PLCB2: variants seen among roughly 807,000 people sequenced by gnomAD.
The protein encoded by PLCB2 is 1-phosphatidylinositol 4,5-bisphosphate phosphodiesterase beta-2.
In PLCB2, 115 loss-of-function variants were observed where a neutral mutation model predicts 141.7. The ratio of observed to expected loss-of-function variants is 0.81; its 90% CI spans 0.70 to 0.95. The LOEUF (loss-of-function observed/expected upper bound fraction) is 0.95. PLCB2 is among the 40% of genes least tolerant of loss of function. The pLI is 0.00. For missense variants in PLCB2, 1,403 were observed against 1,541.1 expected (o/e 0.91, Z 1.50); for synonymous variants, 603 against 595.6 (o/e 1.01, Z -0.18).
At chr15:40,286,870 C>T (rs1416345467), downstream of PLCB2, among the ~76,000 whole-genome samples, 2 of 152,248 alleles carry the variant, frequency 1.3e-5, no homozygotes, top group African/African-American at 4.8e-5. Context: ...ATTGCATCGC[C>T]TTCCCCATTC....
At chr15:40,286,674 G>A (rs1322662759), downstream of PLCB2, among the ~76,000 whole-genome samples, 1 of 152,184 alleles carries the variant, frequency 6.6e-6, no homozygotes, top group Non-Finnish European at 1.5e-5. Context: ...GTACCCCAAG[G>A]GAAGGCGTCA....
chr15:40,293,786 C>G, intron 19 of PLCB2, 62 bp from the exon 20 acceptor site: 3 of 1,551,806 alleles, frequency 1.9e-6, no homozygotes, highest in Non-Finnish European at 2.6e-6. Flanking sequence ...CCCCAAGCAT[C>G]TGGGGCCCCT....
At chr15:40,307,122 G>A (rs1319314543) in intron 1 of PLCB2, among the ~76,000 whole-genome samples, 1 of 152,188 alleles carries the variant, frequency 6.6e-6, no homozygotes, top group Non-Finnish European at 1.5e-5. Flanking sequence ...CCCCACAGCA[G>A]CGCAGGGGAG....
At chr15:40,285,813 G>A, downstream of PLCB2, 1 of 985,516 alleles carries the variant, frequency 1.0e-6, no homozygotes, top group Admixed American at 6.1e-5. Context: ...CCCAGGTGGA[G>A]GAGAGAAGCA....
At position 40,294,937 on chromosome 15, in the gene PLCB2, C is replaced by A. The variant is rs184388451; in HGVS notation, c.1905G>T (p.Met635Ile). The change falls in exon 18 of 32, where the codon ATG becomes ATT. Residue 635 changes from methionine to isoleucine, a missense_variant and splice_region_variant. Coordinates refer to ENST00000260402, the MANE Select transcript of PLCB2 (RefSeq NM_004573.3). Reference protein sequence around the residue: ...CQMVALNFQTMDLPMQQNMAV... With the variant: ...CQMVALNFQTIDLPMQQNMAV... ...TTAGGGGCCTGGGAATGCCCTCACC[C>A]ATCGTCTGGAAGTTGAGGGCAACCA... 13 of 1,613,936 alleles carry A rather than the reference C, an allele frequency of 8.1e-6. No homozygotes were observed. In the South Asian group the frequency reaches 9.9e-5, roughly 12 times the overall value.
In PLCB2 at chr15:40,288,489, G is replaced by T; in HGVS notation, c.*226C>A. 1 of 1,268,990 alleles carries T rather than the reference G, an allele frequency of 7.9e-7. No homozygotes were observed. The highest frequency in any genetic ancestry group is 9.9e-7 in the Non-Finnish European group (1 of 1,007,378). 78.6% of individuals were successfully genotyped at this position (1,268,990 alleles called of 1,614,324 possible). ...CTAGAGATGGAGGGGGAGGTAGGAA[G>T]TCAGCTTGAGAAGACTTCTAGGCCC... On this transcript the variant is annotated 3_prime_UTR_variant, in exon 32 of 32. Transcript: ENST00000260402.
At position 40,288,436 on chromosome 15, in the gene PLCB2, T is replaced by C. The variant is rs2039667168; in HGVS notation, c.*279A>G. 9 of 1,190,222 alleles carry C rather than the reference T, an allele frequency of 7.6e-6. No homozygotes were observed. The highest frequency in any genetic ancestry group is 9.4e-6 in the Non-Finnish European group (9 of 959,428). The allele number at this position is 1,190,222 out of a possible 1,614,324, so 73.7% of individuals were successfully genotyped here. A position where few individuals can be genotyped will look rare whatever the true frequency, so the allele number is the denominator to read the frequency against. ...TTTCTGCCTTCCAGTCCATAGTCTT[T>C]TGCCCTCAACAAATATATGACACTT... On this transcript the variant is annotated 3_prime_UTR_variant, in exon 32 of 32. Transcript: ENST00000260402.
At chr15:40,306,212 CTG>C (rs1330877373) in intron 1 of PLCB2, among the ~76,000 whole-genome samples, 11 of 152,344 alleles carry the variant, frequency 7.2e-5, no homozygotes, top group African/African-American at 2.6e-4. Flanking sequence ...CATCCACTAA[CTG>C]TGCCAAAAGC....
At chr15:40,296,452 C>T in intron 15 of PLCB2, 60 bp from the exon 16 acceptor site, 1 of 1,613,092 alleles carries the variant, frequency 6.2e-7, no homozygotes, top group Non-Finnish European at 8.5e-7. Context: ...GGAATGGGGC[C>T]CAAGGCCCCC....
At chr15:40,303,680 C>T (rs1198839512) in intron 2 of PLCB2, among the ~76,000 whole-genome samples, 1 of 152,170 alleles carries the variant, frequency 6.6e-6, no homozygotes, top group Non-Finnish European at 1.5e-5. Flanking sequence ...GAGGCTGGGG[C>T]CTATCTCTCA....
chr15:40,291,235 C>T (rs1254841247), intron 26 of PLCB2, 30 bp downstream of exon 26: 1 of 1,572,232 alleles, frequency 6.4e-7, no homozygotes, highest in Non-Finnish European at 8.6e-7. Flanking sequence ...ACCCGCGCTG[C>T]AGAGGGCAGG....
downstream of PLCB2, among the ~76,000 whole-genome samples, chr15:40,285,102 C>T (rs973136442): frequency 2.0e-5 from 3 of 152,190 alleles, no homozygotes; most frequent in Admixed American, 2.0e-4. Context: ...GAACCCCTTG[C>T]CTCTCTCCAG....
At chr15:40,296,426 G>A (rs759488462) in intron 15 of PLCB2, 34 bp from the exon 16 acceptor site, 3 of 1,613,820 alleles carry the variant, frequency 1.9e-6, no homozygotes, top group East Asian at 4.5e-5. Flanking sequence ...AGAAGAGGAG[G>A]ATGGTGCAGA....
intron 19 of PLCB2, 54 bp from the exon 20 acceptor site, chr15:40,293,778 C>G: frequency 6.3e-7 from 1 of 1,583,152 alleles, no homozygotes; most frequent in Non-Finnish European, 8.6e-7. Flanking sequence ...AGGCTCTTCC[C>G]CAAGCATCTG....
chr15:40,302,935 T>TTCC (rs1431077328), intron 3 of PLCB2, among the ~76,000 whole-genome samples: 2 of 152,196 alleles, frequency 1.3e-5, no homozygotes, highest in Non-Finnish European at 2.9e-5. Flanking sequence ...CACCAATCCC[T>TTCC]TCCTCCAATT....
In PLCB2 at chr15:40,295,214, C is replaced by T. The variant is rs1444906559; in HGVS notation, c.1768G>A (p.Val590Met). The T allele has an allele frequency of 1.9e-6, 3 of 1,613,866 alleles. No homozygotes were observed. Among genetic ancestry groups the T allele is most frequent in the South Asian group, 2.2e-5 (2 of 91,082 alleles). Residue 590 changes from valine (V) to methionine (M), a missense_variant, in exon 17 of 32, where the codon GTG (valine) becomes ATG (methionine). Transcript: ENST00000260402. ...CCTCAAGGATACTCCACAAACTGCACCGAGGCCTTGGAGAGCAGGTCATAT... is the reference window on the plus strand; with the variant it reads ...CCTCAAGGATACTCCACAAACTGCATCGAGGCCTTGGAGAGCAGGTCATAT... ...KAYDLLSKAS[V>M]QFVDYNKRQM... is the part of the protein sequence containing the mutation.
Position 40,304,079 on chromosome 15 carries a change from C to T in PLCB2, c.85-1G>A. On this transcript the variant is annotated splice_acceptor_variant, in intron 1 of 31. Transcript: ENST00000260402. LOFTEE classifies it high-confidence loss of function. Reference sequence around the variant, plus strand: ...TAACTGGAGAGGCAACTGTAGTTTCCTGCAGAGAGAAGGAGCCAGCACTCT... The same window carrying T: ...TAACTGGAGAGGCAACTGTAGTTTCTTGCAGAGAGAAGGAGCCAGCACTCT... The T allele has an allele frequency of 6.3e-7, 1 of 1,592,374 alleles. No individual in the cohort carries two copies. Among genetic ancestry groups the T allele is most frequent in the Non-Finnish European group, 8.6e-7 (1 of 1,168,858 alleles).
At chr15:40,296,213 A>AT in intron 16 of PLCB2, 83 bp downstream of exon 16, 1 of 1,058,688 alleles carries the variant, frequency 9.4e-7, no homozygotes, top group Non-Finnish European at 1.4e-6. Context: ...GTGGCTGGAT[A>AT]TTTATAGGCA....
chr15:40,302,687 C>A, intron 3 of PLCB2, 78 bp from the exon 4 acceptor site: 6 of 1,539,774 alleles, frequency 3.9e-6, no homozygotes, highest in Non-Finnish European at 5.3e-6. Flanking sequence ...GCCCTCCCCT[C>A]AGCCACTTGG....
Sources: gnomAD v4.1 joint callset for allele counts (sites outside exome capture counted in the v4.1 genomes callset) on GRCh38, gnomAD v4.1.1 for gene constraint, MANE v1.5 for transcripts, NCBI Gene and HGNC (gene_info 2026-07-23, HGNC 2026-07-21) for gene names.